TENM4: variants seen among roughly 807,000 people sequenced by gnomAD.
TENM4 encodes teneurin transmembrane protein 4, also known as teneurin-4.
In TENM4, 82 loss-of-function variants were observed where a neutral mutation model predicts 243.3. The observed-to-expected ratio is 0.34, with a 90% confidence interval of 0.28 to 0.40. The LOEUF (loss-of-function observed/expected upper bound fraction) is 0.40. Ranked by LOEUF, TENM4 falls within the 10% of genes least tolerant of loss-of-function variation. TENM4 has a pLI of 1.00. For synonymous variants in TENM4, 1,412 were observed against 1,456.3 expected (o/e 0.97, Z 0.69); for missense variants, 3,138 against 3,673.3 (o/e 0.85, Z 3.77).
intron 21 of TENM4, among the ~76,000 whole-genome samples, chr11:78,731,182 C>T (rs1019065108): frequency 4.6e-5 from 7 of 152,138 alleles, no homozygotes; most frequent in African/African-American, 1.7e-4. Context: ...GTCCCTGCTC[C>T]TGGGAAAAAT....
At chr11:79,126,585 C>T (rs1172494171) in intron 4 of TENM4, among the ~76,000 whole-genome samples, 3 of 152,046 alleles carry the variant, frequency 2.0e-5, no homozygotes, top group African/African-American at 7.2e-5. Flanking sequence ...CATGGTGTTA[C>T]TAGAAGTGAA....
chr11:79,239,514 G>C (rs923866719), intron 2 of TENM4, among the ~76,000 whole-genome samples: 2 of 152,140 alleles, frequency 1.3e-5, no homozygotes, highest in Admixed American at 1.3e-4. Context: ...AGATGGCAGA[G>C]ACCTGGATGC....
At chr11:79,345,661 C>T (rs1350837709) in intron 1 of TENM4, among the ~76,000 whole-genome samples, 1 of 152,196 alleles carries the variant, frequency 6.6e-6, no homozygotes, top group Non-Finnish European at 1.5e-5. Context: ...GTAAGCTTAT[C>T]TCTCTGAACT....
In TENM4 at chr11:78,670,007, A is replaced by G; in HGVS notation, c.6338T>C (p.Val2113Ala). The G allele has an allele frequency of 6.2e-7, 1 of 1,613,976 alleles. No individual in the cohort carries two copies. Among genetic ancestry groups the G allele is most frequent in the Non-Finnish European group, 8.5e-7 (1 of 1,179,890 alleles). ...CCCAAACTGCTCTGTCTTGCCTGAC[A>G]CATCATCATAGCGATAGAGATCAAT... ...LPIDLYRYDD[V>A]SGKTEQFGKF... is the part of the protein sequence containing the mutation. Residue 2113 changes from valine (V) to alanine (A), a missense_variant, in exon 32 of 34, where the codon GTG becomes GCG. This residue lies in a region of TENM4 where 2,467 missense variants were observed against 3,059.1 expected (regional missense o/e 0.81). Coordinates refer to ENST00000278550, the MANE Select transcript of TENM4 (RefSeq NM_001098816.3).
At chr11:78,765,435 C>G (rs1180218895) in intron 18 of TENM4, among the ~76,000 whole-genome samples, 1 of 152,204 alleles carries the variant, frequency 6.6e-6, no homozygotes, top group Admixed American at 6.5e-5. Flanking sequence ...AAAGAGAAGA[C>G]AGAGACCTTT....
At chr11:79,046,287 A>G (rs972254670) in intron 6 of TENM4, among the ~76,000 whole-genome samples, 1 of 152,198 alleles carries the variant, frequency 6.6e-6, no homozygotes, top group Non-Finnish European at 1.5e-5. Context: ...CAACTGCTCC[A>G]TTGTTCAGAA....
intron 6 of TENM4, among the ~76,000 whole-genome samples, chr11:79,046,944 T>C (rs1308036102): frequency 6.6e-6 from 1 of 152,170 alleles, no homozygotes; most frequent in Non-Finnish European, 1.5e-5. Flanking sequence ...TTCAGAAACA[T>C]AGGCTTGATG....
intron 2 of TENM4, among the ~76,000 whole-genome samples, chr11:79,284,909 A>T (rs959578440): frequency 6.6e-6 from 1 of 152,208 alleles, no homozygotes; most frequent in African/African-American, 2.4e-5. Context: ...TTCTCCAAAG[A>T]AGACAAGAAA....
chr11:78,987,893 C>T (rs1591185729), intron 6 of TENM4, among the ~76,000 whole-genome samples: 1 of 152,060 alleles, frequency 6.6e-6, no homozygotes, highest in East Asian at 1.9e-4. Flanking sequence ...CCAGGCCATT[C>T]ACCCACACAG....
chr11:78,842,615 T>G (rs1858286283), intron 12 of TENM4, among the ~76,000 whole-genome samples: 1 of 152,228 alleles, frequency 6.6e-6, no homozygotes, highest in South Asian at 2.1e-4. Flanking sequence ...GGCTCTCCTC[T>G]GGGTATCACC....
chr11:78,903,342 AG>A lies in TENM4; in HGVS notation c.674del (p.Pro225LeufsTer28). 2 of 1,479,416 alleles carry A rather than the reference AG, an allele frequency of 1.4e-6. No homozygotes were observed. The highest frequency in any genetic ancestry group is 2.6e-5 in the East Asian group (1 of 37,756). 91.6% of individuals were successfully genotyped at this position (1,479,416 alleles called of 1,614,324 possible). A position where few individuals can be genotyped will look rare whatever the true frequency, so the allele number is the denominator to read the frequency against. On this transcript the variant is annotated frameshift_variant, in exon 7 of 34. Transcript: ENST00000278550. LOFTEE classifies it high-confidence loss of function. ...PTDHSLSGEP[P>X]AGGAQEPAHA... The stretch of plus-strand genomic sequence containing the variant: ...GGGCAGGCTCCTGGGCGCCGCCGGC[AG>A]GGGGCTCTCCGGAGAGCGAGTGGTC...
chr11:78,949,928 C>G (rs1283695570), intron 6 of TENM4, among the ~76,000 whole-genome samples: 1 of 152,006 alleles, frequency 6.6e-6, no homozygotes, highest in Non-Finnish European at 1.5e-5. Flanking sequence ...CTCTGAAGTC[C>G]TTTGTCATTT....
chr11:78,745,211 T>C (rs957646683), intron 19 of TENM4, among the ~76,000 whole-genome samples: 13 of 150,080 alleles, frequency 8.7e-5, no homozygotes, highest in African/African-American at 3.0e-4. Context: ...TGTCCCTCTT[T>C]CTTTTTTTTC....
intron 25 of TENM4, among the ~76,000 whole-genome samples, chr11:78,712,926 GCAATTCTT>G (rs1859434493): frequency 1.5e-5 from 2 of 133,192 alleles, no homozygotes; most frequent in Admixed American, 7.1e-5. Flanking sequence ...AAAACCCCTT[GCAATTCTT>G]GCAAGAACCC....
At chr11:79,273,705 G>C (rs1856006851) in intron 2 of TENM4, among the ~76,000 whole-genome samples, 1 of 152,132 alleles carries the variant, frequency 6.6e-6, no homozygotes, top group African/African-American at 2.4e-5. Context: ...GTTTCTAAAG[G>C]CCTGAGATCT....
At chr11:79,164,159 T>C (rs1862842531) in intron 3 of TENM4, among the ~76,000 whole-genome samples, 1 of 122,324 alleles carries the variant, frequency 8.2e-6, no homozygotes, top group African/African-American at 3.2e-5. Context: ...ACAGTATATA[T>C]AGTGTATATA....
intron 6 of TENM4, among the ~76,000 whole-genome samples, chr11:78,910,391 C>G (rs748484558): frequency 6.6e-6 from 1 of 152,184 alleles, no homozygotes; most frequent in Non-Finnish European, 1.5e-5. Flanking sequence ...AAAATGCCAT[C>G]GACTACCACT....
At chr11:79,115,010 T>C (rs1165698174) in intron 4 of TENM4, among the ~76,000 whole-genome samples, 1 of 152,216 alleles carries the variant, frequency 6.6e-6, no homozygotes, top group Non-Finnish European at 1.5e-5. Flanking sequence ...GTCCCTGCTA[T>C]ACTGAGCTTA....
intron 6 of TENM4, among the ~76,000 whole-genome samples, chr11:78,980,848 T>A (rs1176599451): frequency 6.6e-6 from 1 of 152,224 alleles, no homozygotes; most frequent in African/African-American, 2.4e-5. Flanking sequence ...GTGCCAGGTA[T>A]GGTGTTGATA....
Sources: gnomAD v4.1 joint callset for allele counts (sites outside exome capture counted in the v4.1 genomes callset) on GRCh38, gnomAD v4.1.1 for gene constraint, gnomAD v4.1.1 regional missense constraint, MANE v1.5 for transcripts, NCBI Gene and HGNC (gene_info 2026-07-23, HGNC 2026-07-21) for gene names.